The following PCDH9 variants were observed in gnomAD, a reference collection of about 807,000 sequenced individuals.
PCDH9 encodes protocadherin-9.
In PCDH9, 24 loss-of-function variants were observed where a neutral mutation model predicts 70.6. The ratio of observed to expected loss-of-function variants is 0.34; its 90% CI spans 0.25 to 0.48. PCDH9 has a LOEUF of 0.48. Among genes scored for constraint, PCDH9 ranks in the 20% least tolerant of loss-of-function variants. The pLI is 0.99. For synonymous variants in PCDH9, 562 were observed against 558.5 expected (o/e 1.01, Z -0.09); for missense variants, 1,281 against 1,503.6 (o/e 0.85, Z 2.45).
intron 2 of PCDH9, among the ~76,000 whole-genome samples, chr13:67,077,484 T>C (rs1286802474): frequency 6.6e-6 from 1 of 152,188 alleles, no homozygotes; most frequent in African/African-American, 2.4e-5. Flanking sequence ...CCCTCCACTT[T>C]CTTTTCTTAC....
At chr13:66,714,493 G>C (rs898492280) in intron 3 of PCDH9, among the ~76,000 whole-genome samples, 4 of 151,256 alleles carry the variant, frequency 2.6e-5, no homozygotes. Flanking sequence ...AAGTTACATT[G>C]ATTTTATAGG....
intron 2 of PCDH9, among the ~76,000 whole-genome samples, chr13:67,097,090 A>AC (rs2138228303): frequency 1.2e-5 from 1 of 85,550 alleles, no homozygotes; most frequent in East Asian, 6.3e-4. Flanking sequence ...TACAGAAAAT[A>AC]CAAAAAAAAA....
intron 4 of PCDH9, among the ~76,000 whole-genome samples, chr13:66,611,913 T>C (rs140745321): frequency 1.3e-5 from 2 of 152,344 alleles, no homozygotes; most frequent in South Asian, 2.1e-4. Context: ...TAAGGTTATG[T>C]AGCTGGCAAA....
chr13:66,768,201 A>G (rs2079749555), intron 3 of PCDH9, among the ~76,000 whole-genome samples: 1 of 152,094 alleles, frequency 6.6e-6, no homozygotes, highest in Non-Finnish European at 1.5e-5. Flanking sequence ...GCTGTCCATT[A>G]AATGTGTAGA....
At chr13:66,445,755 T>C (rs1193951078) in intron 4 of PCDH9, among the ~76,000 whole-genome samples, 2 of 145,972 alleles carry the variant, frequency 1.4e-5, no homozygotes, top group Non-Finnish European at 3.0e-5. Flanking sequence ...TACACATATA[T>C]AATACATACA....
intron 3 of PCDH9, among the ~76,000 whole-genome samples, chr13:66,855,886 A>C (rs1423628720): frequency 1.3e-5 from 2 of 151,982 alleles, no homozygotes; most frequent in Non-Finnish European, 2.9e-5. Flanking sequence ...CATGGATAAG[A>C]TCTATTGAAA....
At chr13:66,306,012 AC>A (rs1271145744) in intron 4 of PCDH9, among the ~76,000 whole-genome samples, 5 of 152,008 alleles carry the variant, frequency 3.3e-5, no homozygotes, top group Non-Finnish European at 7.4e-5. Context: ...CTGTTGTCTT[AC>A]CCCCCTTGAT....
intron 2 of PCDH9, among the ~76,000 whole-genome samples, chr13:67,087,054 C>T (rs953625308): frequency 3.7e-5 from 5 of 136,904 alleles, no homozygotes; most frequent in African/African-American, 1.1e-4. Flanking sequence ...CCTGTACATT[C>T]GTAACCATCA....
chr13:66,985,439 G>T (rs1036604144), intron 2 of PCDH9: 2 of 151,946 alleles, frequency 1.3e-5, no homozygotes, highest in African/African-American at 4.8e-5. Flanking sequence ...ACTATTCCTA[G>T]TATAGTACAT....
intron 2 of PCDH9, among the ~76,000 whole-genome samples, chr13:66,909,685 C>T (rs956902079): frequency 1.4e-4 from 21 of 152,186 alleles, no homozygotes; most frequent in Admixed American, 7.2e-4. Flanking sequence ...AGGAGAATGG[C>T]GTGAACCTGG....
rs555333076 is a variant in PCDH9, at chr13:66,496,710, T to C, written c.3340+134500A>G. On this transcript the variant is annotated intron_variant, in intron 4 of 4. Transcript: ENST00000377865. ...AATTCCTCAGTCAGTTACAATCACA[T>C]ACTTGTACCAACAATTAGGTACTTG... Among the ~76,000 whole-genome samples, 195 of 152,302 alleles carry C rather than the reference T, an allele frequency of 1.3e-3. 1 individual carries two copies. The highest frequency in any genetic ancestry group is 4.5e-3 in the African/African-American group (189 of 41,576).
intron 3 of PCDH9, among the ~76,000 whole-genome samples, chr13:66,748,162 T>C (rs978998496): frequency 1.3e-5 from 2 of 152,206 alleles, no homozygotes; most frequent in Non-Finnish European, 2.9e-5. Flanking sequence ...GATTGCTGCT[T>C]TTACTTTGGC....
intron 3 of PCDH9, among the ~76,000 whole-genome samples, chr13:66,855,732 G>A (rs964399496): frequency 6.6e-6 from 1 of 151,928 alleles, no homozygotes; most frequent in African/African-American, 2.4e-5. Flanking sequence ...TGATAAAGCT[G>A]GGAAGTCAAA....
intron 4 of PCDH9, among the ~76,000 whole-genome samples, chr13:66,544,292 A>C (rs1487828296): frequency 6.6e-6 from 1 of 152,132 alleles, no homozygotes. Context: ...GAAAATGTAC[A>C]CTGACAATGT....
chr13:67,166,334 A>G (rs967547653), intron 2 of PCDH9, among the ~76,000 whole-genome samples: 1 of 152,218 alleles, frequency 6.6e-6, no homozygotes, highest in Non-Finnish European at 1.5e-5. Context: ...AACCTAGAGC[A>G]GGCATCTAAT....
chr13:66,562,786 A>G (rs2076593895), intron 4 of PCDH9, among the ~76,000 whole-genome samples: 1 of 152,050 alleles, frequency 6.6e-6, no homozygotes, highest in Admixed American at 6.6e-5. Context: ...GAGTAAGTGG[A>G]TGGAGAGTCA....
At chr13:66,461,616 C>G (rs994632720) in intron 4 of PCDH9, among the ~76,000 whole-genome samples, 2 of 150,660 alleles carry the variant, frequency 1.3e-5, no homozygotes, top group African/African-American at 4.9e-5. Context: ...GATACCATGA[C>G]ATTAAAGCAA....
chr13:67,050,224 T>A (rs766821037), intron 2 of PCDH9, among the ~76,000 whole-genome samples: 4 of 152,254 alleles, frequency 2.6e-5, no homozygotes, highest in Non-Finnish European at 5.9e-5. Context: ...TAGCATTTAT[T>A]ATGAAGGGTT....
intron 2 of PCDH9, among the ~76,000 whole-genome samples, chr13:67,018,994 A>T (rs113162783): frequency 1.3e-5 from 2 of 152,124 alleles, no homozygotes; most frequent in African/African-American, 4.8e-5. Flanking sequence ...CTGTTCTCTC[A>T]AGCAGAACTA....
Sources: gnomAD v4.1 joint callset for allele counts (sites outside exome capture counted in the v4.1 genomes callset) on GRCh38, gnomAD v4.1.1 for gene constraint, MANE v1.5 for transcripts, NCBI Gene and HGNC (gene_info 2026-07-23, HGNC 2026-07-21) for gene names.